The following SETBP1 variants were observed in gnomAD, a reference collection of about 807,000 sequenced individuals.
SETBP1 encodes SET binding protein 1, also known as SET-binding protein.
Under a neutral mutation model 101.0 loss-of-function variants are expected in SETBP1, and 9 were observed. The ratio of observed to expected loss-of-function variants is 0.09; its 90% confidence interval spans 0.05 to 0.16. SETBP1 has a LOEUF of 0.16. SETBP1 is among the 10% of genes least tolerant of loss of function. The probability of loss-of-function intolerance (pLI) is 1.00; values close to 1 mark genes in which losing one functional copy is unlikely to be tolerated. For synonymous variants in SETBP1, 818 were observed against 788.5 expected, an observed-to-expected ratio of 1.04 and a Z score of -0.63; for missense variants, 1,858 against 2,033.8, an observed-to-expected ratio of 0.91 and a Z score of 1.66.
At chr18:44,875,478 G>C (rs113800597) in intron 3 of SETBP1, among the ~76,000 whole-genome samples, 2 of 133,926 alleles carry the variant, frequency 1.5e-5, no homozygotes, top group African/African-American at 5.7e-5. Flanking sequence ...GGAGTGAGCC[G>C]AGATCGCGCC....
chr18:44,862,189 G>A (rs1286048010), intron 2 of SETBP1, among the ~76,000 whole-genome samples: 1 of 152,142 alleles, frequency 6.6e-6, no homozygotes, highest in Non-Finnish European at 1.5e-5. Context: ...CTCCATATCT[G>A]GGGGATTTTG....
At chr18:45,008,483 T>C (rs983042610) in intron 4 of SETBP1, among the ~76,000 whole-genome samples, 2 of 152,230 alleles carry the variant, frequency 1.3e-5, no homozygotes, top group Admixed American at 6.5e-5. Context: ...GTAATGATGC[T>C]GAAGATTCCA....
intron 2 of SETBP1, among the ~76,000 whole-genome samples, chr18:44,723,258 A>G (rs1471505588): frequency 6.6e-6 from 1 of 152,222 alleles, no homozygotes; most frequent in East Asian, 1.9e-4. Context: ...GCCTATAAAG[A>G]AAGTTGCTGC....
chr18:44,850,216 A>G (rs1167625975), intron 2 of SETBP1, among the ~76,000 whole-genome samples: 1 of 152,166 alleles, frequency 6.6e-6, no homozygotes, highest in African/African-American at 2.4e-5. Flanking sequence ...TGGGATCTTT[A>G]AAAATGCATA....
intron 3 of SETBP1, among the ~76,000 whole-genome samples, chr18:44,927,643 T>C (rs1167076551): frequency 6.6e-6 from 1 of 152,134 alleles, no homozygotes; most frequent in Non-Finnish European, 1.5e-5. Flanking sequence ...CCAATCAAAA[T>C]GTGGCAGTAA....
chr18:45,063,153 A>C lies in SETBP1; in HGVS notation c.4246A>C (p.Asn1416His). 1 of 1,614,016 alleles carries C rather than the reference A, an allele frequency of 6.2e-7. No individual in the cohort carries two copies. The highest frequency in any genetic ancestry group is 8.5e-7 in the Non-Finnish European group (1 of 1,179,998). ...AIQCEVRKMC[N>H]YTKILSTKKN... ...CCAGTGCGAAGTGCGGAAGATGTGCAACTACACCAAGATCCTGTCCACCAA... is the reference window on the plus strand; with the variant it reads ...CCAGTGCGAAGTGCGGAAGATGTGCCACTACACCAAGATCCTGTCCACCAA... Residue 1416 changes from asparagine to histidine, a missense_variant, in exon 6 of 6, where the codon AAC (asparagine) becomes CAC (histidine). Physicochemically the swap from Asn to His is moderately conservative, Grantham distance 68 (BLOSUM62 1). Transcript: ENST00000649279.
chr18:44,712,416 GTGT>G lies in SETBP1; in HGVS notation c.486+10589_486+10591del, dbSNP rs539359523. 2.7e-3 allele frequency among the ~76,000 whole-genome samples: 407 copies of G among 152,288 alleles called. 1 individual carries two copies. The highest frequency in any genetic ancestry group is 4.5e-3 in the Non-Finnish European group (309 of 68,016). ...CCAGGCCAGTTATTTCATTTGTTTA[GTGT>G]TGTTCATGAGAACTCAGCTCAGGAA... On this transcript the variant is annotated intron_variant, in intron 2 of 5. Coordinates refer to ENST00000649279, the MANE Select transcript of SETBP1 (RefSeq NM_015559.3).
intron 3 of SETBP1, among the ~76,000 whole-genome samples, chr18:44,880,582 G>T (rs2069508111): frequency 6.6e-6 from 1 of 152,218 alleles, no homozygotes; most frequent in South Asian, 2.1e-4. Context: ...GGTTCTGCAG[G>T]TTATTCAGGA....
intron 2 of SETBP1, among the ~76,000 whole-genome samples, chr18:44,831,324 A>G (rs2072362723): frequency 6.6e-6 from 1 of 152,228 alleles, no homozygotes; most frequent in South Asian, 2.1e-4. Flanking sequence ...CATGTGATTA[A>G]GGGATATCTA....
intron 4 of SETBP1, among the ~76,000 whole-genome samples, chr18:45,036,501 T>A (rs910581335): frequency 6.6e-6 from 1 of 152,202 alleles, no homozygotes; most frequent in African/African-American, 2.4e-5. Context: ...TGAGCACACC[T>A]GCAAATTTTA....
chr18:45,012,941 G>A (rs2072869177), intron 4 of SETBP1, among the ~76,000 whole-genome samples: 2 of 152,228 alleles, frequency 1.3e-5, no homozygotes, highest in Admixed American at 1.3e-4. Flanking sequence ...GTATAGCCAT[G>A]TCATAAAGCT....
intron 3 of SETBP1, among the ~76,000 whole-genome samples, chr18:44,910,399 A>T (rs2070279310): frequency 1.3e-5 from 2 of 152,218 alleles, no homozygotes; most frequent in African/African-American, 2.4e-5. Context: ...CCAAATCTGG[A>T]TTGACCTGAT....
At chr18:44,970,795 C>T (rs2071831721) in intron 4 of SETBP1, among the ~76,000 whole-genome samples, 1 of 152,144 alleles carries the variant, frequency 6.6e-6, no homozygotes, top group Admixed American at 6.5e-5. Context: ...AAGTGATCCA[C>T]CTGCCTCGGC....
At chr18:44,718,799 T>C (rs959554925) in intron 2 of SETBP1, among the ~76,000 whole-genome samples, 4 of 152,134 alleles carry the variant, frequency 2.6e-5, no homozygotes, top group Non-Finnish European at 1.5e-5. Context: ...TATTGGCAGC[T>C]TCCCACTGGT....
intron 4 of SETBP1, among the ~76,000 whole-genome samples, chr18:44,984,967 C>A (rs1193878854): frequency 6.6e-6 from 1 of 152,134 alleles, no homozygotes; most frequent in Non-Finnish European, 1.5e-5. Flanking sequence ...ATGGTGAAAC[C>A]CTATCTCCAC....
intron 2 of SETBP1, among the ~76,000 whole-genome samples, chr18:44,753,011 A>C (rs1010965780): frequency 1.3e-5 from 2 of 152,228 alleles, no homozygotes; most frequent in Admixed American, 1.3e-4. Context: ...ACCAAGACTT[A>C]GAGAGGATTA....
At chr18:44,729,925 T>C (rs886075446) in intron 2 of SETBP1, among the ~76,000 whole-genome samples, 2 of 152,134 alleles carry the variant, frequency 1.3e-5, no homozygotes, top group African/African-American at 4.8e-5. Flanking sequence ...TGAGAGAGTG[T>C]TTTCTGTGGA....
rs1193438699 is a variant in SETBP1, at chr18:45,063,703, G to T, written c.*5G>T. On this transcript the variant is annotated 3_prime_UTR_variant, in exon 6 of 6. Coordinates refer to ENST00000649279, the MANE Select transcript of SETBP1 (RefSeq NM_015559.3). ...GAGAGCGAGGTCCTTCCCTAGGGCGGGTCTGGGCGTCTGCACCTGGGGCCT... is the reference window on the plus strand; with the variant it reads ...GAGAGCGAGGTCCTTCCCTAGGGCGTGTCTGGGCGTCTGCACCTGGGGCCT... 3 of 1,603,916 alleles carry T rather than the reference G, an allele frequency of 1.9e-6. No individual in the cohort carries two copies. The highest frequency in any genetic ancestry group is 1.7e-6 in the Non-Finnish European group (2 of 1,175,722).
chr18:44,775,654 G>A (rs2070984185), intron 2 of SETBP1, among the ~76,000 whole-genome samples: 1 of 150,208 alleles, frequency 6.7e-6, no homozygotes, highest in Admixed American at 6.6e-5. Flanking sequence ...TTAGGATGGA[G>A]CGTACTTTTC....
Sources: gnomAD v4.1 joint callset for allele counts (sites outside exome capture counted in the v4.1 genomes callset) on GRCh38, gnomAD v4.1.1 for gene constraint, MANE v1.5 for transcripts, NCBI Gene and HGNC (gene_info 2026-07-23, HGNC 2026-07-21) for gene names.